Variants in RADIL observed in about 807,000 individuals in gnomAD.
RADIL encodes Rap associating with DIL domain, also known as ras-associating and dilute domain-containing protein.
Under a neutral mutation model 97.6 loss-of-function variants are expected in RADIL, and 99 were observed. That is an observed-to-expected ratio of 1.01 (90% confidence interval 0.86 to 1.20). RADIL has a LOEUF of 1.20. Ranked by LOEUF, RADIL falls within the 50% of genes most tolerant of loss-of-function variation. The probability of loss-of-function intolerance (pLI) is 0.00; values close to 1 mark genes in which losing one functional copy is unlikely to be tolerated. For synonymous variants in RADIL, 803 were observed against 691.8 expected (o/e 1.16, Z -2.52); for missense variants, 1,765 against 1,498.9 (o/e 1.18, Z -2.93).
At chr7:4,861,229 T>C (rs1284480527) in intron 2 of RADIL, 1 of 1,614,180 alleles carries the variant, frequency 6.2e-7, no homozygotes, top group South Asian at 1.1e-5. Flanking sequence ...ATCTAATGTC[T>C]AAATTTTTAA....
rs780388626 is a variant in RADIL, at chr7:4,805,702, G to A, written c.2154C>T (p.Ala718=). The part of the protein sequence containing the change: ...RAQLIQMSWT[A]LRAAFPALSP... The stretch of plus-strand genomic sequence containing the variant: ...TCAGTGCGGGGAACGCAGCCCGCAG[G>A]GCTGTCCAGCTCATCTGGGTGACAA... The change falls in exon 10 of 15, where the codon GCC becomes GCT. Residue 718 remains alanine, a synonymous_variant. Transcript: ENST00000399583. The A allele has an allele frequency of 2.8e-5, 45 of 1,609,896 alleles. No homozygotes were observed. Among genetic ancestry groups the A allele is most frequent in the Non-Finnish European group, 3.7e-5 (44 of 1,179,054 alleles).
Position 4,840,125 on chromosome 7 carries a change from T to C in RADIL, c.536-3520A>G, listed in dbSNP as rs887884202. ...CACGTGTGGCTTTGTGACTTGGCCC[T>C]GTCCCAAGATGAGGCTGCGGCAGAT... is the stretch of plus-strand genomic sequence containing the variant. On this transcript the variant is annotated intron_variant, in intron 2 of 14. Transcript: ENST00000399583. This position sits in a 1 kb window ranked among gnomAD's most constrained non-coding sequence, Gnocchi z 5.6. Among the ~76,000 whole-genome samples, 1 of 152,192 alleles carries C rather than the reference T, an allele frequency of 6.6e-6. No homozygotes were observed. Among genetic ancestry groups the C allele is most frequent in the Admixed American group, 6.5e-5 (1 of 15,282 alleles).
chr7:4,860,385 T>C, intron 2 of RADIL: 2 of 1,613,948 alleles, frequency 1.2e-6, no homozygotes, highest in Non-Finnish European at 1.7e-6. Flanking sequence ...TCAAACATCT[T>C]ACTATTCACT....
chr7:4,834,836 T>G lies in RADIL; in HGVS notation c.1187A>C (p.Gln396Pro). 1 of 1,311,466 alleles carries G rather than the reference T, an allele frequency of 7.6e-7. No individual in the cohort carries two copies. Among genetic ancestry groups the G allele is most frequent in the Non-Finnish European group, 9.7e-7 (1 of 1,027,972 alleles). The allele number at this position is 1,311,466 out of a possible 1,614,324, so 81.2% of individuals were successfully genotyped here. A position where few individuals can be genotyped will look rare whatever the true frequency, so the allele number is the denominator to read the frequency against. The change falls in exon 4 of 15, where the codon CAG (glutamine) becomes CCG (proline). Residue 396 changes from glutamine (Q) to proline (P), a missense_variant. Gln to Pro is a moderately conservative substitution (Grantham distance 76, BLOSUM62 -1). Transcript: ENST00000399583. The surrounding 1 kb of genome is among the most constrained non-coding windows in gnomAD (Gnocchi z 6.0). ...LGARGAASPT[Q>P]AALPRRQQLL... ...CTGCTGGCGCCGGGGCAGGGCGGCC[T>G]GAGTAGGGGAGGCGGCTCCCCGGGC... is the stretch of plus-strand genomic sequence containing the variant.
intron 2 of RADIL, among the ~76,000 whole-genome samples, chr7:4,841,096 A>G (rs993708984): frequency 6.6e-6 from 1 of 152,250 alleles, no homozygotes; most frequent in Non-Finnish European, 1.5e-5. Flanking sequence ...TATTCATCTT[A>G]AATAAAGCGC....
rs1040383063 is a variant in RADIL, at chr7:4,849,955, T to C, written c.536-13350A>G. ...GGTGATCTTACTACTGATAACATCT[T>C]TTCTTGGTGAAATATAGTATATGTA... On this transcript the variant is annotated intron_variant, in intron 2 of 14. Coordinates refer to ENST00000399583, the MANE Select transcript of RADIL (RefSeq NM_018059.5). The surrounding 1 kb of genome is among the most constrained non-coding windows in gnomAD (Gnocchi z 5.4). Among the ~76,000 whole-genome samples, 1 of 111,492 alleles carries C rather than the reference T, an allele frequency of 9.0e-6. No homozygotes were observed. The highest frequency in any genetic ancestry group is 4.5e-5 in the African/African-American group (1 of 22,324). 73.1% of individuals were successfully genotyped at this position (111,492 alleles called of 152,430 possible).
At position 4,809,658 on chromosome 7, in the gene RADIL, T is replaced by C. The variant is rs548129870; in HGVS notation, c.2140-3942A>G. 9.4e-6 allele frequency: 8 copies of C among 853,134 alleles called. No individual in the cohort carries two copies. In the African/African-American group the frequency reaches 2.2e-4, roughly 24 times the overall value. 52.8% of individuals were successfully genotyped at this position (853,134 alleles called of 1,614,324 possible). ...CTTTCAGGAGTATTTTACATCTTAT[T>C]TTATTTATTTATTTATTTTATTTTA... On this transcript the variant is annotated intron_variant, in intron 9 of 14. Coordinates refer to ENST00000399583, the MANE Select transcript of RADIL (RefSeq NM_018059.5).
At position 4,842,685 on chromosome 7, in the gene RADIL, C is replaced by A. The variant is rs1482125287; in HGVS notation, c.536-6080G>T. Among the ~76,000 whole-genome samples, 1 of 152,170 alleles carries A rather than the reference C, an allele frequency of 6.6e-6. No homozygotes were observed. Among genetic ancestry groups the A allele is most frequent in the African/African-American group, 2.4e-5 (1 of 41,436 alleles). Reference sequence around the variant, plus strand: ...TCCTGATCCTGTTTTCTCTTCCCTCCCTGGCTCTTGATGGTTTGGAATAAT... The same window carrying A: ...TCCTGATCCTGTTTTCTCTTCCCTCACTGGCTCTTGATGGTTTGGAATAAT... On this transcript the variant is annotated intron_variant, in intron 2 of 14. Coordinates refer to ENST00000399583, the MANE Select transcript of RADIL (RefSeq NM_018059.5). The surrounding 1 kb of genome is among the most constrained non-coding windows in gnomAD (Gnocchi z 4.5).
intron 2 of RADIL, among the ~76,000 whole-genome samples, chr7:4,868,653 T>G (rs78594028): frequency 0.02 from 2,982 of 152,360 alleles, 105 homozygotes; most frequent in African/African-American, 0.066. Flanking sequence ...TCTTTAGACA[T>G]GCATTACTTT....
At chr7:4,805,501 C>G in intron 10 of RADIL, 65 bp downstream of exon 10, 1 of 1,485,074 alleles carries the variant, frequency 6.7e-7, no homozygotes, top group Admixed American at 2.2e-5. Context: ...AGCATGCTGC[C>G]TCCAGCCTCG....
chr7:4,865,859 G>T, intron 2 of RADIL: 1 of 681,590 alleles, frequency 1.5e-6, no homozygotes, highest in Middle Eastern at 3.9e-4. Context: ...GTTGAGATAT[G>T]TTTAGACACA....
chr7:4,860,537 G>A, intron 2 of RADIL: 2 of 1,614,112 alleles, frequency 1.2e-6, no homozygotes, highest in African/African-American at 2.7e-5. Context: ...ATTTTCTTTG[G>A]GTGCTGGAAA....
At chr7:4,826,853 C>A (rs1253587246) in intron 5 of RADIL, among the ~76,000 whole-genome samples, 1 of 151,986 alleles carries the variant, frequency 6.6e-6, no homozygotes, top group Non-Finnish European at 1.5e-5. Flanking sequence ...TCAGGAATGG[C>A]AATAAACCTA....
rs750885993 is a variant in RADIL, at chr7:4,836,510, A to G, written c.631T>C (p.Leu211=). The G allele has an allele frequency of 6.2e-7, 1 of 1,607,314 alleles. No homozygotes were observed. The highest frequency in any genetic ancestry group is 8.5e-7 in the Non-Finnish European group (1 of 1,178,864). The part of the protein sequence containing the change: ...GDARSSPPPR[L]RRTVSETSLS... ...CTGGTCTCACTGACTGTGCGGCGCA[A>G]CCGGGGTGGAGGAGAGCTCCGGGCA... Residue 211 remains leucine (L), a synonymous_variant, in exon 3 of 15, where the codon TTG becomes CTG. Transcript: ENST00000399583.
intron 9 of RADIL, among the ~76,000 whole-genome samples, chr7:4,806,691 T>A (rs920018360): frequency 2.0e-5 from 3 of 152,228 alleles, no homozygotes; most frequent in Non-Finnish European, 4.4e-5. Context: ...GAATAGATCT[T>A]CTAGTAGCTT....
At chr7:4,847,322 C>T (rs1339123851) in intron 2 of RADIL, among the ~76,000 whole-genome samples, 1 of 149,106 alleles carries the variant, frequency 6.7e-6, no homozygotes, top group Non-Finnish European at 1.5e-5. Context: ...TCCGTCTCAC[C>T]AAACAACAAC....
rs1255695113 is a variant in RADIL, at chr7:4,836,434, G to C, written c.707C>G (p.Pro236Arg). The change falls in exon 3 of 15, where the codon CCC (proline) becomes CGC (arginine). Residue 236 changes from proline to arginine, a missense_variant. By Grantham distance (103) the Pro-to-Arg change is moderately radical (BLOSUM62 -2). Transcript: ENST00000399583. ...CGAGTACCGCATGGCGTCGGGGCCG[G>C]GCTCCTCGGGGCCCTGGGCGGCAGC... ...LPAAAQGPEEPGPDAMRYSLY... is the reference protein window; with the variant it reads ...LPAAAQGPEERGPDAMRYSLY... 3 of 1,593,892 alleles carry C rather than the reference G, an allele frequency of 1.9e-6. No individual in the cohort carries two copies. The highest frequency in any genetic ancestry group is 2.6e-6 in the Non-Finnish European group (3 of 1,170,386).
At position 4,799,645 on chromosome 7, in the gene RADIL, C is replaced by A; in HGVS notation, c.3107G>T (p.Gly1036Val). Residue 1036 changes from glycine (G) to valine (V), a missense_variant, in exon 14 of 15, where the codon GGC becomes GTC. Transcript: ENST00000399583. ...GTGGGGGTACCTCAGGTAGCCAAGGCCCAGGAGGCTGCTGCCATTCACCTC... is the reference window on the plus strand; with the variant it reads ...GTGGGGGTACCTCAGGTAGCCAAGGACCAGGAGGCTGCTGCCATTCACCTC... The part of the protein sequence containing the change: ...ILEVNGSSLL[G>V]LGYLRAVDLI... 6.2e-7 allele frequency: 1 copy of A among 1,603,780 alleles called. No homozygotes were observed. The highest frequency in any genetic ancestry group is 8.5e-7 in the Non-Finnish European group (1 of 1,175,994).
rs928434597 is a variant in RADIL, at chr7:4,797,841, G to T, written c.*1537C>A. On this transcript the variant is annotated 3_prime_UTR_variant, in exon 15 of 15. Transcript: ENST00000399583. The stretch of plus-strand genomic sequence containing the variant: ...TAAAAGTACTAAATTAGCCAAGCGT[G>T]GTGGCAGGCGCCTGTAATCCCAGCT... 4.6e-5 allele frequency: 7 copies of T among 152,080 alleles called. No individual in the cohort carries two copies. The highest frequency in any genetic ancestry group is 1.7e-4 in the African/African-American group (7 of 41,396). 9.4% of individuals were successfully genotyped at this position (152,080 alleles called of 1,614,324 possible).
Sources: gnomAD v4.1 joint callset for allele counts (sites outside exome capture counted in the v4.1 genomes callset) on GRCh38, gnomAD v4.1.1 for gene constraint, Gnocchi (gnomAD v3.1) non-coding constraint, MANE v1.5 for transcripts, NCBI Gene and HGNC (gene_info 2026-07-23, HGNC 2026-07-21) for gene names.